Variants in TAF4B observed in about 807,000 individuals in gnomAD.
TAF4B encodes TATA-box binding protein associated factor 4b.
TAF4B carries 38 observed loss-of-function variants against 86.4 expected under a neutral mutation model. The observed-to-expected ratio is 0.44, with a 90% CI of 0.34 to 0.58. The LOEUF is 0.58. Among genes scored for constraint, TAF4B ranks in the 20% least tolerant of loss-of-function variants. The pLI, the probability that TAF4B is intolerant of heterozygous loss-of-function variation, is 0.02. For missense variants in TAF4B, 988 were observed against 1,027.6 expected, an observed-to-expected ratio of 0.96 and a Z score of 0.53; for synonymous variants, 388 against 391.2, an observed-to-expected ratio of 0.99 and a Z score of 0.10.
chr18:26,260,975 T>G (rs2144526257), intron 1 of TAF4B, among the ~76,000 whole-genome samples: 1 of 152,224 alleles, frequency 6.6e-6, no homozygotes, highest in African/African-American at 2.4e-5. Flanking sequence ...ACTTTTCTGT[T>G]TCTTTACATG....
intron 11 of TAF4B, among the ~76,000 whole-genome samples, chr18:26,322,196 G>A (rs1360772243): frequency 1.3e-5 from 2 of 152,102 alleles, no homozygotes; most frequent in African/African-American, 4.8e-5. Context: ...TGATATCCTA[G>A]TCAAAGGTTA....
At chr18:26,338,309 T>C (rs12960731) in intron 13 of TAF4B, among the ~76,000 whole-genome samples, 142,580 of 151,620 alleles carry the variant, frequency 0.94, 67,239 homozygotes, top group East Asian at 0.99. Flanking sequence ...ATTAGCTGAG[T>C]GTGGTGGTGC....
At chr18:26,313,639 A>G (rs1196723994) in intron 9 of TAF4B, among the ~76,000 whole-genome samples, 7 of 150,888 alleles carry the variant, frequency 4.6e-5, no homozygotes, top group African/African-American at 1.7e-4. Context: ...CATTTTTTCA[A>G]TTGCTGTGTT....
In TAF4B at chr18:26,265,144, C is replaced by A. The variant is rs761294724; in HGVS notation, c.344-26C>A. ...ATGCTGTATTTAGTGGCTCAGAGGTCACTTTTTTTTCTTTTTTAAATATAG... is the reference window on the plus strand; with the variant it reads ...ATGCTGTATTTAGTGGCTCAGAGGTAACTTTTTTTTCTTTTTTAAATATAG... On this transcript the variant is annotated intron_variant, in intron 1 of 14. Transcript: ENST00000269142. 18 of 1,599,222 alleles carry A rather than the reference C, an allele frequency of 1.1e-5. No homozygotes were observed. The East Asian group carries it at 3.8e-4, about 34-fold the overall frequency.
chr18:26,333,262 C>T (rs2057065750), intron 12 of TAF4B, among the ~76,000 whole-genome samples: 1 of 150,066 alleles, frequency 6.7e-6, no homozygotes, highest in South Asian at 2.1e-4. Context: ...GCTGTGTTGC[C>T]CAGGCTGGAG....
intron 7 of TAF4B, among the ~76,000 whole-genome samples, chr18:26,291,419 C>T (rs2056590969): frequency 6.6e-6 from 1 of 151,862 alleles, no homozygotes; most frequent in African/African-American, 2.4e-5. Context: ...CTGTGTGATC[C>T]CCGCTGGGAT....
At chr18:26,238,828 G>C (rs376164196) in intron 1 of TAF4B, among the ~76,000 whole-genome samples, 42 of 152,268 alleles carry the variant, frequency 2.8e-4, no homozygotes, top group East Asian at 1.7e-3. Flanking sequence ...CTATGAGATA[G>C]AACATGCGGT....
At chr18:26,287,487 T>G (rs1159592872) in intron 7 of TAF4B, among the ~76,000 whole-genome samples, 1 of 152,208 alleles carries the variant, frequency 6.6e-6, no homozygotes, top group Non-Finnish European at 1.5e-5. Flanking sequence ...TGTCGATTAG[T>G]GTTTAGAATG....
intron 13 of TAF4B, among the ~76,000 whole-genome samples, chr18:26,345,889 T>C (rs1475933777): frequency 6.6e-6 from 1 of 152,188 alleles, no homozygotes; most frequent in Non-Finnish European, 1.5e-5. Flanking sequence ...AAGTAAACTC[T>C]GTGAGATACA....
At chr18:26,231,344 G>GTTTTTTTTTTT (rs1260610897) in intron 1 of TAF4B, among the ~76,000 whole-genome samples, 2 of 60,788 alleles carry the variant, frequency 3.3e-5, no homozygotes, top group Non-Finnish European at 5.9e-5. Context: ...AGCTGCTTGG[G>GTTTTTTTTTTT]GTTTTTTTTT....
intron 5 of TAF4B, among the ~76,000 whole-genome samples, chr18:26,275,767 G>T (rs1210821554): frequency 1.3e-5 from 2 of 152,082 alleles, no homozygotes; most frequent in African/African-American, 4.8e-5. Context: ...TGTAATCCCA[G>T]CACTTTGGGA....
chr18:26,231,034 C>CTTTTTT (rs536863843), intron 1 of TAF4B, among the ~76,000 whole-genome samples: 1,656 of 65,984 alleles, frequency 0.025, 66 homozygotes, highest in Non-Finnish European at 0.034. Flanking sequence ...TGTTGTTTTG[C>CTTTTTT]TTTTTTTTTT....
At chr18:26,343,134 G>T (rs1199496966) in intron 13 of TAF4B, among the ~76,000 whole-genome samples, 1 of 152,180 alleles carries the variant, frequency 6.6e-6, no homozygotes, top group East Asian at 1.9e-4. Flanking sequence ...TGGTGGTGAG[G>T]TTGCCACCCT....
chr18:26,261,692 A>C (rs1226189354), intron 1 of TAF4B, among the ~76,000 whole-genome samples: 1 of 152,138 alleles, frequency 6.6e-6, no homozygotes, highest in Non-Finnish European at 1.5e-5. Context: ...TTACAGAGAT[A>C]ATTTTTTAGG....
chr18:26,286,760 T>C (rs1010549826), intron 7 of TAF4B, among the ~76,000 whole-genome samples: 2 of 152,170 alleles, frequency 1.3e-5, no homozygotes, highest in East Asian at 1.9e-4. Flanking sequence ...CTCGGCTCAC[T>C]GTAACCTCCA....
At chr18:26,364,264 GC>G (rs1174562577) in intron 14 of TAF4B, among the ~76,000 whole-genome samples, 7 of 152,138 alleles carry the variant, frequency 4.6e-5, no homozygotes, top group South Asian at 4.1e-4. Flanking sequence ...TATACCATAA[GC>G]TTATTGGCTA....
chr18:26,347,868 CA>C (rs2057212897), intron 13 of TAF4B, among the ~76,000 whole-genome samples: 13 of 152,114 alleles, frequency 8.5e-5, no homozygotes, highest in Admixed American at 8.5e-4. Flanking sequence ...GAACATATAA[CA>C]ATTGTGAATA....
chr18:26,244,341 G>T (rs2055889011), intron 1 of TAF4B, among the ~76,000 whole-genome samples: 1 of 152,244 alleles, frequency 6.6e-6, no homozygotes. Context: ...TGCTAGCAGT[G>T]AGCGAGGTTC....
At chr18:26,375,777 C>A (rs989748797) in intron 14 of TAF4B, among the ~76,000 whole-genome samples, 3 of 152,112 alleles carry the variant, frequency 2.0e-5, no homozygotes, top group African/African-American at 4.8e-5. Context: ...TCCAAAAAAA[C>A]CATTACTTAA....
Sources: gnomAD v4.1 joint callset for allele counts (sites outside exome capture counted in the v4.1 genomes callset) on GRCh38, gnomAD v4.1.1 for gene constraint, MANE v1.5 for transcripts, NCBI Gene and HGNC (gene_info 2026-07-23, HGNC 2026-07-21) for gene names.